ADGRL3: variants seen among roughly 807,000 people sequenced by gnomAD.
ADGRL3 encodes the protein adhesion G protein-coupled receptor L3.
In ADGRL3, 62 loss-of-function variants were observed where a neutral mutation model predicts 153.5. The observed-to-expected ratio is 0.40, with a 90% confidence interval of 0.33 to 0.50. ADGRL3 has a LOEUF of 0.50. ADGRL3 is among the 20% of genes least tolerant of loss of function. The pLI, the probability that ADGRL3 is intolerant of heterozygous loss-of-function variation, is 0.47. For missense variants in ADGRL3, 1,641 were observed against 1,859.4 expected (o/e 0.88, Z 2.16); for synonymous variants, 710 against 672.5 (o/e 1.06, Z -0.86).
chr4:61,610,300 C>T (rs934713035), intron 5 of ADGRL3, among the ~76,000 whole-genome samples: 3 of 151,988 alleles, frequency 2.0e-5, no homozygotes, highest in African/African-American at 7.2e-5. Flanking sequence ...TAATTTTAAA[C>T]TTATGTGCGT....
At chr4:61,956,260 G>C (rs1017911735) in intron 17 of ADGRL3, among the ~76,000 whole-genome samples, 1 of 152,042 alleles carries the variant, frequency 6.6e-6, no homozygotes, top group African/African-American at 2.4e-5. Flanking sequence ...ATCTCATTGT[G>C]GTTTTAATTT....
intron 8 of ADGRL3, among the ~76,000 whole-genome samples, chr4:61,813,512 G>GT (rs375524163): frequency 5.3e-5 from 8 of 151,690 alleles, no homozygotes; most frequent in South Asian, 2.1e-4. Context: ...TTTGCTTTGA[G>GT]TTTTTTTTCT....
At chr4:61,386,882 T>C (rs1211459453) in intron 2 of ADGRL3, among the ~76,000 whole-genome samples, 1 of 152,200 alleles carries the variant, frequency 6.6e-6, no homozygotes, top group Non-Finnish European at 1.5e-5. Flanking sequence ...AAAGGCTGGT[T>C]TATTGATATC....
At chr4:61,773,211 G>A (rs540650275) in intron 8 of ADGRL3, among the ~76,000 whole-genome samples, 20 of 152,264 alleles carry the variant, frequency 1.3e-4, no homozygotes, top group African/African-American at 4.6e-4. Context: ...ACAATCATCT[G>A]CACTAGCACC....
At chr4:61,842,369 T>C (rs1264423001) in intron 9 of ADGRL3, among the ~76,000 whole-genome samples, 1 of 152,166 alleles carries the variant, frequency 6.6e-6, no homozygotes, top group Non-Finnish European at 1.5e-5. Context: ...TTCTGACTAA[T>C]AAATTTTTTA....
chr4:61,391,175 C>T (rs1227061566), intron 2 of ADGRL3, among the ~76,000 whole-genome samples: 1 of 152,084 alleles, frequency 6.6e-6, no homozygotes, highest in Non-Finnish European at 1.5e-5. Context: ...CATAGTTCTC[C>T]AGGCTGCACA....
At chr4:61,277,829 A>T (rs2093542411) in intron 1 of ADGRL3, among the ~76,000 whole-genome samples, 2 of 152,226 alleles carry the variant, frequency 1.3e-5, no homozygotes, top group African/African-American at 4.8e-5. Context: ...AATAAATTAT[A>T]AAAATAAATG....
chr4:62,029,268 T>G (rs1424923053), intron 22 of ADGRL3, among the ~76,000 whole-genome samples: 1 of 151,806 alleles, frequency 6.6e-6, no homozygotes, highest in Non-Finnish European at 1.5e-5. Context: ...TGTCATTTAC[T>G]GGTATATCTT....
chr4:61,433,388 C>G (rs2152428422), intron 2 of ADGRL3, among the ~76,000 whole-genome samples: 1 of 151,758 alleles, frequency 6.6e-6, no homozygotes, highest in East Asian at 1.9e-4. Flanking sequence ...GGCCACCTCT[C>G]TCCCTACTAA....
chr4:61,478,581 T>C (rs1391220974), intron 2 of ADGRL3, among the ~76,000 whole-genome samples: 2 of 152,092 alleles, frequency 1.3e-5, no homozygotes, highest in Non-Finnish European at 2.9e-5. Context: ...TTTTGGCTTC[T>C]GCTATGTATT....
At chr4:61,849,859 A>G (rs184930219) in intron 9 of ADGRL3, among the ~76,000 whole-genome samples, 1 of 152,156 alleles carries the variant, frequency 6.6e-6, no homozygotes, top group East Asian at 1.9e-4. Flanking sequence ...TTCATATTCC[A>G]GTAAACATTG....
At chr4:61,448,726 G>T (rs1455649698) in intron 2 of ADGRL3, among the ~76,000 whole-genome samples, 1 of 146,178 alleles carries the variant, frequency 6.8e-6, no homozygotes, top group Admixed American at 7.0e-5. Context: ...GAAGGAAGGA[G>T]AGAGGGAAGG....
At chr4:61,409,997 C>A (rs2097064367) in intron 2 of ADGRL3, among the ~76,000 whole-genome samples, 1 of 151,732 alleles carries the variant, frequency 6.6e-6, no homozygotes, top group Non-Finnish European at 1.5e-5. Flanking sequence ...CAGATCTTTG[C>A]ATTTGTGTTT....
chr4:61,389,681 A>G (rs895433869), intron 2 of ADGRL3, among the ~76,000 whole-genome samples: 6 of 152,134 alleles, frequency 3.9e-5, no homozygotes, highest in Non-Finnish European at 8.8e-5. Flanking sequence ...AATGTGTGGG[A>G]TGTAAAAACT....
At chr4:61,219,976 C>T (rs1176732062) in intron 1 of ADGRL3, among the ~76,000 whole-genome samples, 4 of 151,854 alleles carry the variant, frequency 2.6e-5, no homozygotes, top group African/African-American at 4.8e-5. Context: ...GGCGTGGTGG[C>T]GGGCGCCTGT....
intron 3 of ADGRL3, among the ~76,000 whole-genome samples, chr4:61,503,700 T>C (rs2152836224): frequency 6.6e-6 from 1 of 152,236 alleles, no homozygotes; most frequent in South Asian, 2.1e-4. Flanking sequence ...TTTTAAAATT[T>C]CAATTTTAAG....
intron 2 of ADGRL3, among the ~76,000 whole-genome samples, chr4:61,398,727 C>T (rs112964634): frequency 2.0e-5 from 3 of 151,510 alleles, no homozygotes; most frequent in Non-Finnish European, 4.4e-5. Context: ...CTCTGTCTCT[C>T]AATATATTTT....
At chr4:61,233,868 T>A (rs1751760404) in intron 1 of ADGRL3, among the ~76,000 whole-genome samples, 1 of 152,134 alleles carries the variant, frequency 6.6e-6, no homozygotes, top group African/African-American at 2.4e-5. Context: ...TAAGGAAATC[T>A]TCAGTAATCT....
rs1166970099 is a variant in ADGRL3, at chr4:61,831,411, T to TAAAAA, written c.1480+17550_1480+17554dup. Among the ~76,000 whole-genome samples the TAAAAA allele has an allele frequency of 9.9e-4, 37 of 37,296 alleles. 1 individual carries two copies. Among genetic ancestry groups the TAAAAA allele is most frequent in the African/African-American group, 1.9e-3 (18 of 9,286 alleles). 24.5% of individuals were successfully genotyped at this position (37,296 alleles called of 152,430 possible). The stretch of plus-strand genomic sequence containing the variant: ...GATGAAGAAAGGAAAAGATGCTAAG[T>TAAAAA]AAAAAAAAAAAAAAAAAAAAAAAAA... On this transcript the variant is annotated intron_variant, in intron 9 of 26. Coordinates refer to ENST00000683033, the MANE Select transcript of ADGRL3 (RefSeq NM_001387552.1).
Sources: allele counts gnomAD v4.1 joint callset (sites outside exome capture counted in the v4.1 genomes callset), GRCh38; gene constraint gnomAD v4.1.1; transcripts MANE v1.5; gene names NCBI Gene and HGNC (gene_info 2026-07-23, HGNC 2026-07-21).